UPF3B: variants seen among roughly 807,000 people sequenced by gnomAD.
UPF3B encodes regulator of nonsense transcripts 3B.
In UPF3B, 7 loss-of-function variants were observed where a neutral mutation model predicts 40.3. The observed-to-expected ratio is 0.17, with a 90% confidence interval of 0.10 to 0.33. The LOEUF is 0.33. Among genes scored for constraint, UPF3B ranks in the 10% least tolerant of loss-of-function variants. The pLI, the probability that UPF3B is intolerant of heterozygous loss-of-function variation, is 1.00. For missense variants in UPF3B, 229 were observed against 358.9 expected (o/e 0.64, Z 2.93); for synonymous variants, 117 against 117.3 (o/e 1.00, Z 0.01).
intron 6 of UPF3B, among the ~76,000 whole-genome samples, chrX:119,806,756 G>A (rs909149587): frequency 5.4e-5 from 6 of 110,556 alleles, no homozygotes; most frequent in Admixed American, 2.0e-4. Flanking sequence ...GGACGGGCAC[G>A]GTGGCTCATA....
At chrX:119,835,108 A>T in intron 10 of UPF3B, 81 bp from the exon 11 acceptor site, 1 of 1,107,404 alleles carries the variant, frequency 9.0e-7, no homozygotes, top group Non-Finnish European at 1.2e-6. Flanking sequence ...ATAGTTATGT[A>T]TGAATATATG....
chrX:119,807,315 C>G, intron 6 of UPF3B, among the ~76,000 whole-genome samples: 1 of 112,075 alleles, frequency 8.9e-6, no homozygotes, highest in Non-Finnish European at 1.9e-5. Flanking sequence ...GCAGTGTACC[C>G]CACCAGCACA....
Position 119,852,760 on chromosome X carries a change from G to A in UPF3B, c.156+13C>T. On this transcript the variant is annotated intron_variant, in intron 1 of 10. Transcript: ENST00000276201. ...CGTCCCGCCCTCTCCCGGGCCAGCG[G>A]CCGACCGGGCACCTTGCTCAGCGCT... is the stretch of plus-strand genomic sequence containing the variant. 1 of 1,212,248 alleles carries A rather than the reference G, an allele frequency of 8.2e-7. No homozygotes were observed. The highest frequency in any genetic ancestry group is 1.1e-6 in the Non-Finnish European group (1 of 895,638).
chrX:119,837,026 C>T (rs2056103278), intron 10 of UPF3B, among the ~76,000 whole-genome samples: 1 of 107,848 alleles, frequency 9.3e-6, no homozygotes, highest in African/African-American at 3.4e-5. Flanking sequence ...TCACCTCAAC[C>T]TCCACCTCCC....
chrX:119,835,963 C>T (rs2056087374), intron 10 of UPF3B, among the ~76,000 whole-genome samples: 1 of 111,189 alleles, frequency 9.0e-6, no homozygotes. Flanking sequence ...GGTGACATAG[C>T]AAGACTCTGT....
chrX:119,814,530 A>G (rs755109006), intron 5 of UPF3B, among the ~76,000 whole-genome samples: 1 of 112,198 alleles, frequency 8.9e-6, no homozygotes, highest in Non-Finnish European at 1.9e-5. Context: ...GTTATCATCA[A>G]CAATTCAGTA....
At chrX:119,819,210 C>T (rs920769939) in intron 4 of UPF3B, among the ~76,000 whole-genome samples, 3 of 109,574 alleles carry the variant, frequency 2.7e-5, no homozygotes, top group African/African-American at 6.6e-5. Context: ...CGCACCACCA[C>T]GCCTGGCTAA....
chrX:119,852,962 A>C lies in UPF3B; in HGVS notation c.-34T>G. 1 of 1,211,486 alleles carries C rather than the reference A, an allele frequency of 8.3e-7. No homozygotes were observed. On this transcript the variant is annotated 5_prime_UTR_variant, in exon 1 of 11. Transcript: ENST00000276201. ...CCCCCGCTGAAGCGGCTTGGCCGGA[A>C]CGGGGTTACCCCGGGCACAAACGGC... is the stretch of plus-strand genomic sequence containing the variant.
intron 3 of UPF3B, among the ~76,000 whole-genome samples, chrX:119,826,876 G>A (rs931618977): frequency 8.9e-6 from 1 of 112,168 alleles, no homozygotes; most frequent in Non-Finnish European, 1.9e-5. Context: ...AAGCGAAATG[G>A]ACTGGCCAAG....
At chrX:119,835,909 C>T (rs987263668) in intron 10 of UPF3B, among the ~76,000 whole-genome samples, 3 of 111,091 alleles carry the variant, frequency 2.7e-5, no homozygotes, top group African/African-American at 9.8e-5. Context: ...CCCAGGAGGT[C>T]GAGGCTACAG....
At chrX:119,851,380 A>AC in intron 3 of UPF3B, 115 bp downstream of exon 3, 1 of 544,276 alleles carries the variant, frequency 1.8e-6, no homozygotes, top group Non-Finnish European at 3.2e-6. Context: ...TATTTATAAG[A>AC]CTGCAATAAG....
intron 4 of UPF3B, among the ~76,000 whole-genome samples, chrX:119,820,626 A>ATTTTTTTTTTTTTTTTT (rs370271993): frequency 1.1e-5 from 1 of 90,168 alleles, no homozygotes; most frequent in Non-Finnish European, 2.2e-5. Flanking sequence ...AGCCTGGCCA[A>ATTTTTTTTTTTTTTTTT]TTTTTTTTTT....
At chrX:119,835,340 G>A (rs1401723386) in intron 10 of UPF3B, among the ~76,000 whole-genome samples, 2 of 111,239 alleles carry the variant, frequency 1.8e-5, no homozygotes, top group African/African-American at 6.5e-5. Flanking sequence ...AGACTCAAAC[G>A]ATCCTCCCAC....
intron 4 of UPF3B, among the ~76,000 whole-genome samples, chrX:119,816,765 A>G (rs573243336): frequency 9.0e-6 from 1 of 111,217 alleles, no homozygotes; most frequent in Middle Eastern, 4.6e-3. Context: ...TTGAGTATTC[A>G]TCCTTGTAGA....
At chrX:119,810,012 C>T (rs1191807104) in intron 5 of UPF3B, among the ~76,000 whole-genome samples, 1 of 111,782 alleles carries the variant, frequency 8.9e-6, no homozygotes, top group Non-Finnish European at 1.9e-5. Flanking sequence ...AAGGACAAGA[C>T]GATGCTGAAG....
At chrX:119,849,493 C>CA (rs761205524) in intron 3 of UPF3B, among the ~76,000 whole-genome samples, 3,719 of 46,263 alleles carry the variant, frequency 0.08, 194 homozygotes, top group African/African-American at 0.23. Context: ...GACTCTGTCT[C>CA]AAAAAAAAAA....
In UPF3B at chrX:119,837,533, G is replaced by A. The variant is rs748739008; in HGVS notation, c.1302+224C>T. Among the ~76,000 whole-genome samples the A allele has an allele frequency of 6.6e-5, 7 of 105,955 alleles. No homozygotes were observed. In the East Asian group the frequency reaches 1.8e-3, roughly 28 times the overall value. 92.0% of individuals were successfully genotyped at this position (105,955 alleles called of 115,157 possible). ...TGGGAGGCTGAAGCAGAAGAATGGC[G>A]TGAACCCAGGAGGCGGAGCTTGCAG... On this transcript the variant is annotated intron_variant, in intron 10 of 10. Coordinates refer to ENST00000276201, the MANE Select transcript of UPF3B (RefSeq NM_080632.3).
intron 5 of UPF3B, chrX:119,815,143 G>A: frequency 1.5e-6 from 1 of 646,054 alleles, no homozygotes; most frequent in Non-Finnish European, 1.9e-6. Context: ...TGGGATTACA[G>A]GCGTGAACCA....
At chrX:119,808,272 C>G (rs1402610333) in intron 5 of UPF3B, among the ~76,000 whole-genome samples, 1 of 110,978 alleles carries the variant, frequency 9.0e-6, no homozygotes, top group Non-Finnish European at 1.9e-5. Context: ...AGGGAGCAAA[C>G]TAGAAGAAGA....
Sources: allele counts gnomAD v4.1 joint callset (sites outside exome capture counted in the v4.1 genomes callset), GRCh38; gene constraint gnomAD v4.1.1; transcripts MANE v1.5; gene names NCBI Gene and HGNC (gene_info 2026-07-23, HGNC 2026-07-21).